BOP1: variants seen among roughly 807,000 people sequenced by gnomAD.
The protein encoded by BOP1 is BOP1 ribosomal biogenesis factor, also known as ribosome biogenesis protein BOP1.
A neutral mutation model predicts 82.9 loss-of-function variants in BOP1; 54 were observed. The observed-to-expected ratio is 0.65, with a 90% CI of 0.52 to 0.82. The LOEUF (loss-of-function observed/expected upper bound fraction) is 0.82, where lower values mean the gene tolerates loss of function less well. BOP1 is among the 40% of genes least tolerant of loss of function. The pLI is 0.00. For missense variants in BOP1, 1,170 were observed against 1,072.0 expected (o/e 1.09, Z -1.28); for synonymous variants, 566 against 451.1 (o/e 1.25, Z -3.23).
chr8:144,266,084 A>G (rs1845355573), intron 3 of BOP1: 1 of 152,382 alleles, frequency 6.6e-6, no homozygotes, highest in African/African-American at 2.4e-5. Context: ...GCTGGCGCAC[A>G]TGGGAGGCAA....
At chr8:144,266,414 G>C in intron 3 of BOP1, 8 of 767,642 alleles carry the variant, frequency 1.0e-5, no homozygotes, top group Non-Finnish European at 1.3e-5. Flanking sequence ...GGGAGGGGCC[G>C]GGACGCCGCT....
intron 2 of BOP1, among the ~76,000 whole-genome samples, chr8:144,288,225 G>A (rs1327343484): frequency 1.6e-3 from 231 of 142,642 alleles, no homozygotes; most frequent in African/African-American, 5.6e-3. Flanking sequence ...AGCCAAGATC[G>A]CCCCACTGCA....
rs948881453 is a variant in BOP1 at position 144,264,203 on chromosome 8, G to T, written c.978+22C>A. ...CAGGGAAGCATGGGGACAGGGTCCCGGCCCCCAGGATGCAGGCCCACCTCC... is the reference window on the plus strand; with the variant it reads ...CAGGGAAGCATGGGGACAGGGTCCCTGCCCCCAGGATGCAGGCCCACCTCC... On this transcript the variant is annotated intron_variant, in intron 7 of 15. Coordinates refer to ENST00000569669, the MANE Select transcript of BOP1 (RefSeq NM_015201.5). 3 of 1,607,178 alleles carry T rather than the reference G, an allele frequency of 1.9e-6. No individual in the cohort carries two copies. The South Asian group carries it at 3.3e-5, about 18-fold the overall frequency.
At position 144,264,377 on chromosome 8, in the gene BOP1, G is replaced by A; in HGVS notation, c.826C>T (p.Pro276Ser). The change falls in exon 7 of 16, where the codon CCC (proline) becomes TCC (serine). Residue 276 changes from proline to serine, a missense_variant. Transcript: ENST00000569669. The stretch of plus-strand genomic sequence containing the variant: ...CACAGGTCATAGAAGCTGGGGGTGG[G>A]GTCTCGGGGCCGGCGAGGCTGGATC... ...GWIQPRRPRDPTPSFYDLWAQ... is the reference protein window; with the variant it reads ...GWIQPRRPRDSTPSFYDLWAQ... The A allele has an allele frequency of 1.9e-6, 3 of 1,603,860 alleles. No individual in the cohort carries two copies. The highest frequency in any genetic ancestry group is 3.3e-5 in the Admixed American group (2 of 60,002).
At chr8:144,270,291 G>A (rs1845471281) in intron 3 of BOP1, among the ~76,000 whole-genome samples, 1 of 152,186 alleles carries the variant, frequency 6.6e-6, no homozygotes, top group Admixed American at 6.5e-5. Flanking sequence ...GGGTCAAGAG[G>A]GAGTGCAGGG....
At position 144,262,585 on chromosome 8, in the gene BOP1, C is replaced by T. The variant is rs1845233106; in HGVS notation, c.1979+3G>A. The T allele has an allele frequency of 9.3e-6, 15 of 1,613,460 alleles. No individual in the cohort carries two copies. The highest frequency in any genetic ancestry group is 2.2e-5 in the South Asian group (2 of 91,078). ...GGCCGCCTCCACCCCCAGCTTTCCT[C>T]ACCTCAGCATCCTGTATGGCTTGGT... On this transcript the variant is annotated splice_donor_region_variant and intron_variant, in intron 14 of 15. Coordinates refer to ENST00000569669, the MANE Select transcript of BOP1 (RefSeq NM_015201.5).
At chr8:144,267,963 C>A in intron 3 of BOP1, 1 of 1,318,732 alleles carries the variant, frequency 7.6e-7, no homozygotes, top group Non-Finnish European at 1.1e-6. Flanking sequence ...CTCCCCAAAA[C>A]GCTTGAGGGA....
chr8:144,287,079 G>A (rs782573983), intron 2 of BOP1, among the ~76,000 whole-genome samples: 23 of 151,052 alleles, frequency 1.5e-4, no homozygotes, highest in East Asian at 4.0e-4. Flanking sequence ...GTGAGATCTC[G>A]GCTCACTGCA....
At position 144,274,493 on chromosome 8, in the gene BOP1, C is replaced by G. The variant is rs989430173; in HGVS notation, c.390+1731G>C. On this transcript the variant is annotated intron_variant, in intron 3 of 15. Transcript: ENST00000569669. The stretch of plus-strand genomic sequence containing the variant: ...ACTTTGCTCCAAGGGAACAGAGGCC[C>G]AGGCAGATGCGCACTTCTCTGGACG... Among the ~76,000 whole-genome samples, 7 of 152,368 alleles carry G rather than the reference C, an allele frequency of 4.6e-5. No individual in the cohort carries two copies. In the South Asian group the frequency reaches 1.4e-3, roughly 32 times the overall value.
chr8:144,279,992 AC>A lies in BOP1; in HGVS notation c.310-3689del, dbSNP rs1187350596. Among the ~76,000 whole-genome samples the A allele has an allele frequency of 2.6e-5, 4 of 152,292 alleles. No individual in the cohort carries two copies. The East Asian group carries it at 7.7e-4, about 29-fold the overall frequency. On this transcript the variant is annotated intron_variant, in intron 2 of 15. Coordinates refer to ENST00000569669, the MANE Select transcript of BOP1 (RefSeq NM_015201.5). ...TCTTCCTCAGGTGGAATGTACCAGAACCCTCTGGGGCTCCCCGGCCCCTCAG... is the reference window on the plus strand; with the variant it reads ...TCTTCCTCAGGTGGAATGTACCAGAACCTCTGGGGCTCCCCGGCCCCTCAG...
In BOP1 at chr8:144,263,229, G is replaced by T; in HGVS notation, c.1597C>A (p.His533Asn). The change falls in exon 12 of 16, where the codon CAC becomes AAC. Residue 533 changes from histidine to asparagine, a missense_variant. Transcript: ENST00000569669. ...RQVGLRLRIC[H>N]GKPVTQVTWH... ...CAAGGCGCCCCACGTACCTTCCCGT[G>T]GCAGATGCGCAGCCGCAGGCCCACT... 1 of 1,594,844 alleles carries T rather than the reference G, an allele frequency of 6.3e-7. No individual in the cohort carries two copies. The highest frequency in any genetic ancestry group is 2.2e-5 in the East Asian group (1 of 44,840).
chr8:144,262,243 A>C lies in BOP1; in HGVS notation c.2162T>G (p.Val721Gly). Reference sequence around the variant, plus strand: ...GGTGGGGTGGAAGATGACGTCCAGCACTCCCAGATCTCGGGTCAGCACGTG... The same window carrying C: ...GGTGGGGTGGAAGATGACGTCCAGCCCTCCCAGATCTCGGGTCAGCACGTG... ...KGHVLTRDLG[V>G]LDVIFHPTQP... is the part of the protein sequence containing the mutation. Residue 721 changes from valine (V) to glycine (G), a missense_variant, in exon 16 of 16, where the codon GTG becomes GGG. By Grantham distance (109) the Val-to-Gly change is moderately radical. Transcript: ENST00000569669. The C allele has an allele frequency of 1.2e-6, 2 of 1,612,374 alleles. No homozygotes were observed. The highest frequency in any genetic ancestry group is 1.1e-5 in the South Asian group (1 of 91,016).
In BOP1 at chr8:144,263,231, C is replaced by T; in HGVS notation, c.1595G>A (p.Cys532Tyr). The change falls in exon 12 of 16, where the codon TGC (cysteine) becomes TAC (tyrosine). Residue 532 changes from cysteine (C) to tyrosine (Y), a missense_variant. By Grantham distance (194) the Cys-to-Tyr change is radical. Transcript: ENST00000569669. ...ERQVGLRLRI[C>Y]HGKPVTQVTW... ...AGGCGCCCCACGTACCTTCCCGTGG[C>T]AGATGCGCAGCCGCAGGCCCACTTG... 28 of 1,594,834 alleles carry T rather than the reference C, an allele frequency of 1.8e-5. No homozygotes were observed. Among genetic ancestry groups the T allele is most frequent in the Non-Finnish European group, 2.4e-5 (28 of 1,179,170 alleles).
chr8:144,289,363 T>G, intron 1 of BOP1, 59 bp from the exon 2 acceptor site: 1 of 1,561,738 alleles, frequency 6.4e-7, no homozygotes, highest in Non-Finnish European at 8.7e-7. Flanking sequence ...CACTGAACAC[T>G]GCAGGGAGAG....
chr8:144,265,172 G>A (rs1183670003), intron 3 of BOP1, 101 bp from the exon 4 acceptor site: 29 of 1,389,150 alleles, frequency 2.1e-5, no homozygotes, highest in Non-Finnish European at 2.9e-5. Context: ...GGGGAGTGCA[G>A]GCCCAGCCTC....
rs1814763516 is a variant in BOP1, at chr8:144,283,098, T to C, written c.309+5997A>G. 2.0e-5 allele frequency among the ~76,000 whole-genome samples: 3 copies of C among 147,294 alleles called. No individual in the cohort carries two copies. In the Admixed American group the frequency reaches 2.1e-4, roughly 10 times the overall value. ...CTGTAATCCCAGCTACTCAGGAGGT[T>C]GAGGCACGAGAATCGCTTGAACCCA... On this transcript the variant is annotated intron_variant, in intron 2 of 15. Coordinates refer to ENST00000569669, the MANE Select transcript of BOP1 (RefSeq NM_015201.5).
chr8:144,280,657 A>T (rs7816361), intron 2 of BOP1, among the ~76,000 whole-genome samples: 8 of 151,974 alleles, frequency 5.3e-5, no homozygotes, highest in South Asian at 2.1e-4. Context: ...GTTCGAGACC[A>T]GACTGGCCTA....
intron 2 of BOP1, among the ~76,000 whole-genome samples, chr8:144,287,696 G>A (rs190747034): frequency 6.6e-5 from 10 of 152,186 alleles, no homozygotes; most frequent in Admixed American, 4.6e-4. Flanking sequence ...ACTCAAGAAG[G>A]GGTAACGTAG....
chr8:144,268,812 G>A (rs2130218615), intron 3 of BOP1, among the ~76,000 whole-genome samples: 1 of 141,548 alleles, frequency 7.1e-6, no homozygotes, highest in African/African-American at 2.7e-5. Flanking sequence ...CAGGGAGGCA[G>A]CGGCAGGGAC....
Sources: allele counts gnomAD v4.1 joint callset (sites outside exome capture counted in the v4.1 genomes callset), GRCh38; gene constraint gnomAD v4.1.1; transcripts MANE v1.5; gene names NCBI Gene and HGNC (gene_info 2026-07-23, HGNC 2026-07-21).